Variants in GMDS observed in about 807,000 individuals in gnomAD.
GMDS encodes the protein GDP-mannose 4,6 dehydratase.
In GMDS, 20 loss-of-function variants were observed where a neutral mutation model predicts 49.9. The observed-to-expected ratio is 0.40, with a 90% CI of 0.28 to 0.58. GMDS has a LOEUF of 0.58. Ranked by LOEUF, GMDS falls within the 20% of genes least tolerant of loss-of-function variation. The probability of loss-of-function intolerance (pLI) is 0.42; values close to 1 mark genes in which losing one functional copy is unlikely to be tolerated. For synonymous variants in GMDS, 177 were observed against 178.6 expected (o/e 0.99, Z 0.07); for missense variants, 362 against 481.4 (o/e 0.75, Z 2.32).
chr6:1,829,758 A>G (rs532740920), intron 7 of GMDS, among the ~76,000 whole-genome samples: 1 of 152,344 alleles, frequency 6.6e-6, no homozygotes, highest in African/African-American at 2.4e-5. Context: ...TAGTATTTTA[A>G]TGAATCTTCT....
intron 7 of GMDS, among the ~76,000 whole-genome samples, chr6:1,918,147 G>A (rs1761500090): frequency 6.6e-6 from 1 of 152,106 alleles, no homozygotes; most frequent in African/African-American, 2.4e-5. Context: ...AGGATAGAGA[G>A]GGGAGAAGAG....
At chr6:1,646,007 C>T (rs1479083949) in intron 9 of GMDS, among the ~76,000 whole-genome samples, 3 of 152,192 alleles carry the variant, frequency 2.0e-5, no homozygotes, top group East Asian at 1.9e-4. Context: ...CAGAGGCACT[C>T]GATCGGTATT....
chr6:2,053,198 T>C (rs1017989595), intron 4 of GMDS, among the ~76,000 whole-genome samples: 1 of 152,172 alleles, frequency 6.6e-6, no homozygotes, highest in Non-Finnish European at 1.5e-5. Flanking sequence ...TTTTACATTA[T>C]CAAAAAATAG....
intron 1 of GMDS, among the ~76,000 whole-genome samples, chr6:2,196,228 G>A (rs76032287): frequency 6.6e-6 from 1 of 152,144 alleles, no homozygotes; most frequent in East Asian, 1.9e-4. Flanking sequence ...AATTATCAAG[G>A]ACTAAAACAC....
At position 1,836,595 on chromosome 6, in the gene GMDS, G is replaced by A. The variant is rs1358292104; in HGVS notation, c.771+93508C>T. 1.3e-5 allele frequency among the ~76,000 whole-genome samples: 2 copies of A among 152,312 alleles called. No individual in the cohort carries two copies. Among genetic ancestry groups the A allele is most frequent in the African/African-American group, 4.8e-5 (2 of 41,562 alleles). On this transcript the variant is annotated intron_variant, in intron 7 of 10. Coordinates refer to ENST00000380815, the MANE Select transcript of GMDS (RefSeq NM_001500.4). The surrounding 1 kb of genome is among the most constrained non-coding windows in gnomAD (Gnocchi z 4.2). ...ATAATGACATCTACTAACTACATCA[G>A]TTTGCAGAAAAATATTCTTACGAAA...
In GMDS at chr6:1,985,778, G is replaced by A. The variant is rs1031273936; in HGVS notation, c.346-24812C>T. Among the ~76,000 whole-genome samples, 5 of 152,158 alleles carry A rather than the reference G, an allele frequency of 3.3e-5. No homozygotes were observed. The South Asian group carries it at 6.2e-4, about 19-fold the overall frequency. On this transcript the variant is annotated intron_variant, in intron 4 of 10. Transcript: ENST00000380815. ...CATCCCAGTTCAGTGAAAAGAGGGA[G>A]CAAGAGAAGGGTGATTGGTGACCAC... is the stretch of plus-strand genomic sequence containing the variant.
intron 9 of GMDS, among the ~76,000 whole-genome samples, chr6:1,658,645 AT>A: frequency 6.6e-6 from 1 of 152,402 alleles, no homozygotes; most frequent in South Asian, 2.1e-4. Flanking sequence ...CTAGAGTAAG[AT>A]TTAAAAAATC....
intron 1 of GMDS, among the ~76,000 whole-genome samples, chr6:2,186,091 G>C (rs751067727): frequency 7.9e-5 from 12 of 152,192 alleles, no homozygotes; most frequent in Non-Finnish European, 1.3e-4. Context: ...AGTGAACAGA[G>C]TTGCCAGGTG....
intron 7 of GMDS, among the ~76,000 whole-genome samples, chr6:1,761,173 C>T (rs148501172): frequency 3.3e-5 from 5 of 152,072 alleles, no homozygotes; most frequent in East Asian, 1.9e-4. Flanking sequence ...AAATCAAGAG[C>T]GTACCTTGAA....
rs577769219 is a variant in GMDS, at chr6:1,861,260, G to C, written c.771+68843C>G. 3.9e-5 allele frequency among the ~76,000 whole-genome samples: 6 copies of C among 152,322 alleles called. No individual in the cohort carries two copies. The South Asian group carries it at 1.2e-3, about 32-fold the overall frequency. ...CTGGGCTCAGTCCTGTGTTGAGTTA[G>C]TGTTCATTCTGGGAGGATACATGTG... On this transcript the variant is annotated intron_variant, in intron 7 of 10. Transcript: ENST00000380815.
intron 4 of GMDS, among the ~76,000 whole-genome samples, chr6:2,108,081 T>C (rs964562346): frequency 2.0e-5 from 3 of 152,198 alleles, no homozygotes; most frequent in African/African-American, 7.2e-5. Context: ...AAATAAGTTA[T>C]CTTCAGAGAC....
At chr6:1,800,843 A>C (rs1316633827) in intron 7 of GMDS, among the ~76,000 whole-genome samples, 2 of 152,170 alleles carry the variant, frequency 1.3e-5, no homozygotes, top group Non-Finnish European at 2.9e-5. Context: ...GTGATTCTGC[A>C]TCTGAAAGCA....
intron 4 of GMDS, among the ~76,000 whole-genome samples, chr6:2,054,545 T>C (rs1475635884): frequency 1.3e-5 from 2 of 152,072 alleles, no homozygotes; most frequent in Admixed American, 6.5e-5. Flanking sequence ...ACCATAGCTA[T>C]TGGAAATGAG....
intron 9 of GMDS, among the ~76,000 whole-genome samples, chr6:1,706,736 C>A (rs1281391446): frequency 1.3e-5 from 2 of 152,160 alleles, no homozygotes; most frequent in African/African-American, 4.8e-5. Context: ...TGTGATCATA[C>A]TGTTTGCGCA....
chr6:1,778,405 A>G lies in GMDS; in HGVS notation c.772-35819T>C, dbSNP rs1224695926. Among the ~76,000 whole-genome samples, 1 of 152,224 alleles carries G rather than the reference A, an allele frequency of 6.6e-6. No individual in the cohort carries two copies. The highest frequency in any genetic ancestry group is 1.5e-5 in the Non-Finnish European group (1 of 68,026). ...ATAAATGAGCTGATGTTAAAGGTTCAGTGGAGACAGCAGACGAGTGGAACG... is the reference window on the plus strand; with the variant it reads ...ATAAATGAGCTGATGTTAAAGGTTCGGTGGAGACAGCAGACGAGTGGAACG... On this transcript the variant is annotated intron_variant, in intron 7 of 10. Transcript: ENST00000380815. This position sits in a 1 kb window ranked among gnomAD's most constrained non-coding sequence, Gnocchi z 4.6.
At chr6:1,740,851 T>C (rs1373520725) in intron 8 of GMDS, among the ~76,000 whole-genome samples, 1 of 152,222 alleles carries the variant, frequency 6.6e-6, no homozygotes, top group East Asian at 1.9e-4. Flanking sequence ...TTGAAAAAGA[T>C]CTTATTTTTG....
chr6:2,186,599 C>T (rs1315118920), intron 1 of GMDS, among the ~76,000 whole-genome samples: 1 of 152,180 alleles, frequency 6.6e-6, no homozygotes, highest in Non-Finnish European at 1.5e-5. Context: ...TCCCTTCCAG[C>T]TGCCTTCAAG....
At chr6:2,130,094 G>A (rs548523933) in intron 1 of GMDS, among the ~76,000 whole-genome samples, 19 of 152,272 alleles carry the variant, frequency 1.2e-4, no homozygotes, top group East Asian at 7.7e-4. Context: ...AAAAAATACC[G>A]GGGAAATATC....
At chr6:1,664,645 T>C (rs1247564548) in intron 9 of GMDS, among the ~76,000 whole-genome samples, 1 of 152,184 alleles carries the variant, frequency 6.6e-6, no homozygotes, top group Non-Finnish European at 1.5e-5. Flanking sequence ...TGTCACTCTG[T>C]CACATTGACA....
Sources: allele counts gnomAD v4.1 joint callset (sites outside exome capture counted in the v4.1 genomes callset), GRCh38; gene constraint gnomAD v4.1.1; non-coding constraint Gnocchi (gnomAD v3.1); transcripts MANE v1.5; gene names NCBI Gene and HGNC (gene_info 2026-07-23, HGNC 2026-07-21).